The following RNF19A variants were observed in gnomAD, a reference collection of about 807,000 sequenced individuals.
RNF19A encodes ring finger protein 19A, RBR E3 ubiquitin protein ligase, also known as E3 ubiquitin-protein ligase RNF19A.
In RNF19A, 32 loss-of-function variants were observed where a neutral mutation model predicts 75.7. The observed-to-expected ratio is 0.42, with a 90% CI of 0.32 to 0.57. The LOEUF is 0.57. RNF19A is among the 20% of genes least tolerant of loss of function. RNF19A has a pLI of 0.10. For synonymous variants in RNF19A, 335 were observed against 345.2 expected, an observed-to-expected ratio of 0.97 and a Z score of 0.33; for missense variants, 782 against 1,036.3, an observed-to-expected ratio of 0.75 and a Z score of 3.37.
chr8:100,310,141 C>A, upstream of RNF19A: 1 of 985,376 alleles, frequency 1.0e-6, no homozygotes, highest in Non-Finnish European at 1.2e-6. Context: ...TCCTCCTCCT[C>A]CCACTTCTTC....
intron 2 of RNF19A, among the ~76,000 whole-genome samples, chr8:100,283,597 C>T (rs1271508871): frequency 6.6e-6 from 1 of 152,140 alleles, no homozygotes; most frequent in African/African-American, 2.4e-5. Flanking sequence ...GGTCAGAAAC[C>T]CCAAGAGATC....
upstream of RNF19A, among the ~76,000 whole-genome samples, chr8:100,311,094 G>A (rs1822283527): frequency 6.6e-6 from 1 of 152,182 alleles, no homozygotes; most frequent in Non-Finnish European, 1.5e-5. Context: ...CCCAGTCCTT[G>A]TTTAGTGTGT....
intron 1 of RNF19A, among the ~76,000 whole-genome samples, chr8:100,296,802 AT>A (rs79882385): frequency 0.073 from 11,069 of 152,264 alleles, 1,192 homozygotes; most frequent in African/African-American, 0.23. Context: ...CAGTTAGAAA[AT>A]AATTCTATTC....
intron 3 of RNF19A, among the ~76,000 whole-genome samples, chr8:100,273,609 G>C (rs1461980249): frequency 6.6e-6 from 1 of 152,054 alleles, no homozygotes; most frequent in Non-Finnish European, 1.5e-5. Context: ...AATAATAAAA[G>C]CCATTTCTGT....
In RNF19A at chr8:100,269,947, T is replaced by C. The variant is rs781722244; in HGVS notation, c.950A>G (p.Asn317Ser). 1.9e-6 allele frequency: 3 copies of C among 1,610,760 alleles called. No homozygotes were observed. Among genetic ancestry groups the C allele is most frequent in the East Asian group, 2.2e-5 (1 of 44,632 alleles). Residue 317 changes from asparagine to serine, a missense_variant, in exon 4 of 10, where the codon AAT becomes AGT. Around this residue, in one of 7 missense-constraint regions of RNF19A, gnomAD observed 31 missense variants for 48.8 expected, o/e 0.64. Coordinates refer to ENST00000341084, the MANE Select transcript of RNF19A (RefSeq NM_183419.4). The surrounding 1 kb of genome is among the most constrained non-coding windows in gnomAD (Gnocchi z 5.7). ...YIIKMNDGSC[N>S]HMTCAVCGCE... ...ACCACAAACAGCACATGTCATGTGA[T>C]TGCAGCTCCCATCATTCATCTTTAT...
Position 100,327,245 on chromosome 8 carries a change from C to CTTTTTTTT in RNF19A, c.-243+8855_-243+8862dup, listed in dbSNP as rs71303441. 1.5e-3 allele frequency among the ~76,000 whole-genome samples: 117 copies of CTTTTTTTT among 75,864 alleles called. 6 individuals are homozygous for CTTTTTTTT. Among genetic ancestry groups the CTTTTTTTT allele is most frequent in the African/African-American group, 4.7e-3 (85 of 18,112 alleles). 49.8% of individuals were successfully genotyped at this position (75,864 alleles called of 152,430 possible). A position where few individuals can be genotyped will look rare whatever the true frequency, so the allele number is the denominator to read the frequency against. On this transcript the variant is annotated intron_variant, in intron 1 of 3. Coordinates refer to the RNF19A transcript ENST00000519527. The stretch of plus-strand genomic sequence containing the variant: ...TTCTTATAAAATTCAGCAATTACTT[C>CTTTTTTTT]TTTTTTTTTTTTTTTTTTTTTTTTG...
intron 1 of RNF19A, among the ~76,000 whole-genome samples, chr8:100,305,708 C>G (rs926333939): frequency 6.6e-6 from 1 of 152,160 alleles, no homozygotes; most frequent in Non-Finnish European, 1.5e-5. Flanking sequence ...CAGGCTTATG[C>G]TAAGTGCTAA....
At chr8:100,272,753 A>G (rs1388174216) in intron 3 of RNF19A, among the ~76,000 whole-genome samples, 1 of 151,960 alleles carries the variant, frequency 6.6e-6, no homozygotes, top group African/African-American at 2.4e-5. Flanking sequence ...CATGTTGCCC[A>G]GGCTGTTGAA....
intron 1 of RNF19A, among the ~76,000 whole-genome samples, chr8:100,321,412 G>A (rs1257687253): frequency 6.6e-6 from 1 of 152,158 alleles, no homozygotes; most frequent in Non-Finnish European, 1.5e-5. Context: ...GTTTTATCAT[G>A]AGACTACAGC....
chr8:100,328,456 G>T (rs1454446244), intron 1 of RNF19A, among the ~76,000 whole-genome samples: 2 of 151,646 alleles, frequency 1.3e-5, no homozygotes, highest in Non-Finnish European at 2.9e-5. Flanking sequence ...AGGCATTAAT[G>T]TTTTTGTTTT....
chr8:100,264,210 A>T lies in RNF19A; in HGVS notation c.1307-15T>A, dbSNP rs1475069186. 1 of 1,592,090 alleles carries T rather than the reference A, an allele frequency of 6.3e-7. No homozygotes were observed. The highest frequency in any genetic ancestry group is 8.6e-7 in the Non-Finnish European group (1 of 1,167,272). ...AACACCGATACCTAAAGAGAAATTA[A>T]ATCAGTCATTACAAACAACAACAAC... On this transcript the variant is annotated splice_polypyrimidine_tract_variant and intron_variant, in intron 6 of 9. Transcript: ENST00000341084. The surrounding 1 kb of genome is among the most constrained non-coding windows in gnomAD (Gnocchi z 4.7).
At chr8:100,277,715 G>A (rs1820592647) in intron 2 of RNF19A, among the ~76,000 whole-genome samples, 1 of 152,078 alleles carries the variant, frequency 6.6e-6, no homozygotes, top group African/African-American at 2.4e-5. Flanking sequence ...ATTTAACAAA[G>A]CTTCATTTCC....
chr8:100,318,324 G>C (rs187005478), intron 1 of RNF19A, among the ~76,000 whole-genome samples: 20 of 152,230 alleles, frequency 1.3e-4, no homozygotes, highest in African/African-American at 4.6e-4. Flanking sequence ...AGATTTAAAA[G>C]GATGTATTTT....
In RNF19A at chr8:100,284,793, G is replaced by A. The variant is rs1360396920; in HGVS notation, c.674+2708C>T. On this transcript the variant is annotated intron_variant, in intron 2 of 9. Transcript: ENST00000341084. This position sits in a 1 kb window ranked among gnomAD's most constrained non-coding sequence, Gnocchi z 4.3. The stretch of plus-strand genomic sequence containing the variant: ...ATCACATATAAAAAAGGTTTATAAA[G>A]AATAGTAAAATAATACTCCTGTATC... Among the ~76,000 whole-genome samples the A allele has an allele frequency of 1.3e-5, 2 of 151,978 alleles. No individual in the cohort carries two copies. The highest frequency in any genetic ancestry group is 4.8e-5 in the African/African-American group (2 of 41,400).
At chr8:100,277,350 T>G (rs1820571768) in intron 2 of RNF19A, among the ~76,000 whole-genome samples, 1 of 152,126 alleles carries the variant, frequency 6.6e-6, no homozygotes, top group Admixed American at 6.6e-5. Flanking sequence ...CTCGCTTTGT[T>G]GCCCAGGTTA....
Position 100,325,164 on chromosome 8 carries a change from T to C in RNF19A, c.-243+10944A>G, listed in dbSNP as rs1563875857. ...CTCAGGTGATCCACCTGCCCTGGCCTCCCAAAGTCCTGGGATTATAGGCAT... is the reference window on the plus strand; with the variant it reads ...CTCAGGTGATCCACCTGCCCTGGCCCCCCAAAGTCCTGGGATTATAGGCAT... On this transcript the variant is annotated intron_variant, in intron 1 of 3. Transcript: ENST00000519527. The surrounding 1 kb of genome is among the most constrained non-coding windows in gnomAD (Gnocchi z 4.3). 6.6e-6 allele frequency among the ~76,000 whole-genome samples: 1 copy of C among 152,186 alleles called. No individual in the cohort carries two copies. Among genetic ancestry groups the C allele is most frequent in the African/African-American group, 2.4e-5 (1 of 41,452 alleles).
At chr8:100,312,996 G>A (rs1036097825), upstream of RNF19A, among the ~76,000 whole-genome samples, 8 of 152,282 alleles carry the variant, frequency 5.3e-5, no homozygotes, top group Non-Finnish European at 8.8e-5. Context: ...GCATGACCAA[G>A]GTTGGAAACC....
upstream of RNF19A, chr8:100,310,268 C>G (rs1822253736): frequency 4.1e-6 from 4 of 983,822 alleles, no homozygotes; most frequent in South Asian, 4.7e-5. Flanking sequence ...TGCGCACGTT[C>G]GTTCCGCGCC....
At chr8:100,312,017 C>G (rs1470881650), upstream of RNF19A, among the ~76,000 whole-genome samples, 4 of 152,168 alleles carry the variant, frequency 2.6e-5, no homozygotes, top group Non-Finnish European at 5.9e-5. Context: ...TTCAGGCTGT[C>G]CAAGATGTAG....
Sources: allele counts gnomAD v4.1 joint callset (sites outside exome capture counted in the v4.1 genomes callset), GRCh38; gene constraint gnomAD v4.1.1; regional missense constraint gnomAD v4.1.1; non-coding constraint Gnocchi (gnomAD v3.1); transcripts MANE v1.5; gene names NCBI Gene and HGNC (gene_info 2026-07-23, HGNC 2026-07-21).